CSMD3: variants seen among roughly 807,000 people sequenced by gnomAD.
The protein encoded by CSMD3 is CUB and Sushi multiple domains 3, also known as CUB and sushi domain-containing protein 3.
In CSMD3, 177 loss-of-function variants were observed where a neutral mutation model predicts 435.2. The ratio of observed to expected loss-of-function variants is 0.41; its 90% CI spans 0.36 to 0.46. The LOEUF (loss-of-function observed/expected upper bound fraction) is 0.46. CSMD3 is among the 20% of genes least tolerant of loss of function. The pLI is 0.34. For synonymous variants in CSMD3, 1,656 were observed against 1,520.5 expected, an observed-to-expected ratio of 1.09 and a Z score of -2.07; for missense variants, 4,265 against 4,504.6, an observed-to-expected ratio of 0.95 and a Z score of 1.52.
At chr8:113,055,958 A>C (rs547328449) in intron 5 of CSMD3, among the ~76,000 whole-genome samples, 1 of 152,194 alleles carries the variant, frequency 6.6e-6, no homozygotes, top group Non-Finnish European at 1.5e-5. Context: ...CAGTTGGGTG[A>C]AGAGGATAAG....
chr8:113,283,627 G>A (rs1026003259), intron 2 of CSMD3, among the ~76,000 whole-genome samples: 2 of 152,114 alleles, frequency 1.3e-5, no homozygotes, highest in African/African-American at 4.8e-5. Flanking sequence ...CTACACTACT[G>A]GTGGGAATGT....
At position 112,506,787 on chromosome 8, in the gene CSMD3, A is replaced by C. The variant is rs778195725; in HGVS notation, c.4799T>G (p.Leu1600Arg). ...ATATGGATGAGGGAAGTTTGGTGAA[A>C]GAATAAAGCCTGAAGATCCTGTTAA... ...GNLTGSSGFI[L>R]SPNFPHPYPH... is the part of the protein sequence containing the mutation. Residue 1600 changes from leucine (L) to arginine (R), a missense_variant, in exon 29 of 71, where the codon CTT becomes CGT. Leu to Arg is a moderately radical substitution (Grantham distance 102). Coordinates refer to ENST00000297405, the MANE Select transcript of CSMD3 (RefSeq NM_198123.2). The C allele has an allele frequency of 6.2e-7, 1 of 1,613,770 alleles. No individual in the cohort carries two copies. Among genetic ancestry groups the C allele is most frequent in the South Asian group, 1.1e-5 (1 of 91,084 alleles).
chr8:112,223,202 G>T lies in CSMD3; in HGVS notation c.*1569C>A. On this transcript the variant is annotated 3_prime_UTR_variant, in exon 71 of 71. Coordinates refer to ENST00000297405, the MANE Select transcript of CSMD3 (RefSeq NM_198123.2). ...TAAAATTTAAAACTGCATCCTGCCAGTAGAGTACCATGTTGAGAAAATTGT... is the reference window on the plus strand; with the variant it reads ...TAAAATTTAAAACTGCATCCTGCCATTAGAGTACCATGTTGAGAAAATTGT... The T allele has an allele frequency of 2.5e-6, 1 of 393,684 alleles. No homozygotes were observed. The highest frequency in any genetic ancestry group is 3.6e-5 in the East Asian group (1 of 27,760). 24.4% of individuals were successfully genotyped at this position (393,684 alleles called of 1,614,324 possible).
intron 13 of CSMD3, among the ~76,000 whole-genome samples, chr8:112,795,607 T>C (rs2078810118): frequency 6.6e-6 from 1 of 152,100 alleles, no homozygotes; most frequent in Non-Finnish European, 1.5e-5. Context: ...GCAAAAATTA[T>C]AAGATTGAGG....
chr8:112,919,449 A>G (rs190795501), intron 10 of CSMD3, among the ~76,000 whole-genome samples: 22 of 152,016 alleles, frequency 1.4e-4, no homozygotes, highest in Admixed American at 1.4e-3. Context: ...AGAGTCTTGA[A>G]TGAACAAAGA....
At chr8:112,809,639 A>G (rs935294487) in intron 12 of CSMD3, among the ~76,000 whole-genome samples, 1 of 152,114 alleles carries the variant, frequency 6.6e-6, no homozygotes, top group Non-Finnish European at 1.5e-5. Context: ...AGTTCCCACA[A>G]TCACTTATTT....
intron 27 of CSMD3, among the ~76,000 whole-genome samples, chr8:112,547,711 A>C (rs1392055830): frequency 6.6e-6 from 1 of 152,172 alleles, no homozygotes. Context: ...AGAGTCTGGA[A>C]GAATGAGCAG....
At chr8:113,314,521 T>C (rs2093894682) in intron 2 of CSMD3, 50 bp downstream of exon 2, 3 of 1,140,160 alleles carry the variant, frequency 2.6e-6, no homozygotes. Context: ...ATAAACTACT[T>C]TTACCCAGGA....
chr8:112,365,468 C>CTTT (rs546920182), intron 38 of CSMD3, among the ~76,000 whole-genome samples: 8 of 112,650 alleles, frequency 7.1e-5, no homozygotes, highest in Admixed American at 2.0e-4. Flanking sequence ...CATAGATTTC[C>CTTT]TTTTTTTTTT....
intron 2 of CSMD3, among the ~76,000 whole-genome samples, chr8:113,301,105 C>T (rs867856874): frequency 1.3e-5 from 2 of 151,140 alleles, no homozygotes; most frequent in Admixed American, 6.6e-5. Flanking sequence ...AGTATAATTT[C>T]GAAAAAAGTT....
intron 4 of CSMD3, among the ~76,000 whole-genome samples, chr8:113,153,679 A>AT (rs1367387523): frequency 3.9e-5 from 6 of 152,086 alleles, no homozygotes; most frequent in African/African-American, 1.4e-4. Context: ...TCACAGCTGC[A>AT]TAAGTGTTCA....
At chr8:113,195,922 TC>T (rs1285080782) in intron 3 of CSMD3, among the ~76,000 whole-genome samples, 1 of 150,006 alleles carries the variant, frequency 6.7e-6, no homozygotes, top group Non-Finnish European at 1.5e-5. Context: ...CTTCACTTCC[TC>T]TCAGAGGATA....
At chr8:112,689,813 A>T (rs2131822952) in intron 14 of CSMD3, 55 bp downstream of exon 14, 2 of 1,475,122 alleles carry the variant, frequency 1.4e-6, no homozygotes, top group Non-Finnish European at 1.9e-6. Context: ...AAAAGCAATT[A>T]TATGCAAGGA....
At chr8:112,293,681 A>G (rs981727701) in intron 54 of CSMD3, among the ~76,000 whole-genome samples, 2 of 152,106 alleles carry the variant, frequency 1.3e-5, no homozygotes, top group African/African-American at 2.4e-5. Flanking sequence ...TAAATTTTAC[A>G]TAGTGCTGGC....
intron 2 of CSMD3, among the ~76,000 whole-genome samples, chr8:113,288,742 T>G (rs1449326437): frequency 6.6e-6 from 1 of 151,872 alleles, no homozygotes; most frequent in Non-Finnish European, 1.5e-5. Context: ...ACTATAAGCT[T>G]GTATTTTAGA....
chr8:113,064,946 T>A (rs1371828087), intron 5 of CSMD3, among the ~76,000 whole-genome samples: 1 of 152,152 alleles, frequency 6.6e-6, no homozygotes, highest in Non-Finnish European at 1.5e-5. Flanking sequence ...CCAAGATAAA[T>A]TTAGCTTGAA....
rs147230096 is a variant in CSMD3, at chr8:112,493,565, C to A, written c.5084-882G>T. On this transcript the variant is annotated intron_variant, in intron 30 of 70. Transcript: ENST00000297405. The stretch of plus-strand genomic sequence containing the variant: ...TTGTAAAATAGCAAAATCCAAACCA[C>A]AGTATTTTTTGACAGATTTTCTATC... Among the ~76,000 whole-genome samples, 366 of 152,226 alleles carry A rather than the reference C, an allele frequency of 2.4e-3. 3 individuals carry two copies. The highest frequency in any genetic ancestry group is 8.5e-3 in the African/African-American group (354 of 41,558).
intron 1 of CSMD3, among the ~76,000 whole-genome samples, chr8:113,360,132 T>C (rs898293135): frequency 2.6e-5 from 4 of 152,176 alleles, no homozygotes; most frequent in African/African-American, 7.2e-5. Context: ...GTTTTATTTT[T>C]ATAATATGTA....
At chr8:112,911,709 GTAT>G (rs1481908373) in intron 10 of CSMD3, among the ~76,000 whole-genome samples, 6 of 144,154 alleles carry the variant, frequency 4.2e-5, no homozygotes, top group African/African-American at 7.6e-5. Context: ...TGTTATGTAT[GTAT>G]TATGTTATAT....
Sources: gnomAD v4.1 joint callset for allele counts (sites outside exome capture counted in the v4.1 genomes callset) on GRCh38, gnomAD v4.1.1 for gene constraint, MANE v1.5 for transcripts, NCBI Gene and HGNC (gene_info 2026-07-23, HGNC 2026-07-21) for gene names.